The following OR10J1 variants were observed in gnomAD, a reference collection of about 807,000 sequenced individuals.
OR10J1 encodes the protein olfactory receptor family 10 subfamily J member 1.
For missense variants in OR10J1, 474 were observed against 376.6 expected, an observed-to-expected ratio of 1.26 and a Z score of -2.14; for synonymous variants, 202 against 143.8, an observed-to-expected ratio of 1.40 and a Z score of -2.89.
the OR10J1 span, among the ~76,000 whole-genome samples, chr1:159,429,582 T>C: frequency 0.026 from 4,010 of 152,276 alleles, 172 homozygotes; most frequent in African/African-American, 0.091. Flanking sequence ...GTTGTATGAT[T>C]GTTGATGAGT....
chr1:159,439,784 A>G lies in OR10J1; in HGVS notation c.-8A>G, dbSNP rs1223316830. ...ATGCTTTTATGTTTCAGATTTGGGA[A>G]CCAATCCATGAAAAGAGAGAACTTT... is the stretch of plus-strand genomic sequence containing the variant. On this transcript the variant is annotated 5_prime_UTR_variant, in exon 1 of 1. Coordinates refer to ENST00000423932, the MANE Select transcript of OR10J1 (RefSeq NM_012351.3). 1 of 1,613,878 alleles carries G rather than the reference A, an allele frequency of 6.2e-7. No individual in the cohort carries two copies.
the OR10J1 span, among the ~76,000 whole-genome samples, chr1:159,404,817 T>C: frequency 6.6e-6 from 1 of 152,172 alleles, no homozygotes; most frequent in Non-Finnish European, 1.5e-5. Flanking sequence ...TTTTCAGGTC[T>C]AAGATAGGGA....
In OR10J1 at chr1:159,439,916, A is replaced by T; in HGVS notation, c.125A>T (p.Asn42Ile). ...LALYILTLAG[N>I]IIIVTIIRMD... ...CTATACATCTTAACCTTAGCAGGCA[A>T]TATCATCATTGTGACCATCATCCGA... is the stretch of plus-strand genomic sequence containing the variant. Residue 42 changes from asparagine to isoleucine, a missense_variant, in exon 1 of 1, where the codon AAT becomes ATT. Transcript: ENST00000423932. 2 of 1,614,134 alleles carry T rather than the reference A, an allele frequency of 1.2e-6. No individual in the cohort carries two copies. The highest frequency in any genetic ancestry group is 1.7e-6 in the Non-Finnish European group (2 of 1,180,002).
chr1:159,421,948 A>T, the OR10J1 span, among the ~76,000 whole-genome samples: 1 of 152,148 alleles, frequency 6.6e-6, no homozygotes, highest in South Asian at 2.1e-4. Context: ...CAGGCGTGGC[A>T]TGGGCAATGA....
rs747205015 is a variant in OR10J1 at position 159,440,066 on chromosome 1, T to C, written c.275T>C (p.Ile92Thr). Residue 92 changes from isoleucine to threonine, a missense_variant, in exon 1 of 1, where the codon ATA becomes ACA. By Grantham distance (89) the Ile-to-Thr change is moderately conservative. Transcript: ENST00000423932. ...LSSLVGMSQP[I>T]SLAGCATQMF... ...AGCCTCGTAGGTATGAGCCAGCCCA[T>C]ATCATTGGCAGGGTGTGCCACACAG... 5.6e-6 allele frequency: 9 copies of C among 1,614,006 alleles called. No homozygotes were observed. In the East Asian group the frequency reaches 1.1e-4, roughly 20 times the overall value.
the OR10J1 span, among the ~76,000 whole-genome samples, chr1:159,417,535 T>C: frequency 5.7e-4 from 87 of 152,344 alleles, no homozygotes; most frequent in Non-Finnish European, 1.9e-4. Context: ...TTTTCTCTCT[T>C]GTCTGCTGTC....
chr1:159,413,883 A>T, the OR10J1 span, among the ~76,000 whole-genome samples: 3 of 151,926 alleles, frequency 2.0e-5, no homozygotes, highest in East Asian at 1.9e-4. Flanking sequence ...AAAATAAAAA[A>T]ATATATTGCT....
chr1:159,414,235 T>C, the OR10J1 span, among the ~76,000 whole-genome samples: 1 of 152,086 alleles, frequency 6.6e-6, no homozygotes, highest in South Asian at 2.1e-4. Flanking sequence ...CTTCTCTTCA[T>C]CACCACCCTC....
the OR10J1 span, among the ~76,000 whole-genome samples, chr1:159,409,057 C>T: frequency 6.6e-6 from 1 of 152,022 alleles, no homozygotes; most frequent in Non-Finnish European, 1.5e-5. Flanking sequence ...CATGTACTTC[C>T]TAGTATTGTG....
the OR10J1 span, chr1:159,432,535 A>G: frequency 1.2e-4 from 54 of 467,294 alleles, 1 homozygote; most frequent in Admixed American, 3.6e-4. Context: ...TTTGGTGTCA[A>G]TAAATGCTTC....
At chr1:159,422,681 G>A in the OR10J1 span, among the ~76,000 whole-genome samples, 1 of 152,184 alleles carries the variant, frequency 6.6e-6, no homozygotes, top group East Asian at 1.9e-4. Context: ...AGACTCTGGG[G>A]GTTGTGGGAC....
the OR10J1 span, among the ~76,000 whole-genome samples, chr1:159,422,882 C>T: frequency 6.6e-6 from 1 of 152,160 alleles, no homozygotes; most frequent in African/African-American, 2.4e-5. Context: ...TTCAGGCTGC[C>T]AGCAGATCCC....
chr1:159,415,653 C>A, the OR10J1 span, among the ~76,000 whole-genome samples: 2 of 151,910 alleles, frequency 1.3e-5, 1 homozygote, highest in Admixed American at 1.3e-4. Context: ...CTATAGATCA[C>A]TTTGGGCAAT....
At chr1:159,436,953 G>A (rs1655753585), upstream of OR10J1, among the ~76,000 whole-genome samples, 1 of 152,204 alleles carries the variant, frequency 6.6e-6, no homozygotes, top group Admixed American at 6.5e-5. Flanking sequence ...GAGGGTTGGT[G>A]CAGCACCTCA....
At chr1:159,436,044 A>G (rs1278291851), upstream of OR10J1, among the ~76,000 whole-genome samples, 2 of 152,200 alleles carry the variant, frequency 1.3e-5, no homozygotes, top group African/African-American at 4.8e-5. Context: ...TTTGATAAAT[A>G]TTAATTGCTA....
chr1:159,440,280 A>G lies in OR10J1; in HGVS notation c.489A>G (p.Val163=). The G allele has an allele frequency of 1.2e-6, 2 of 1,614,152 alleles. No individual in the cohort carries two copies. The highest frequency in any genetic ancestry group is 1.1e-5 in the South Asian group (1 of 91,088). The change falls in exon 1 of 1, where the codon GTA becomes GTG. Residue 163 remains valine, a synonymous_variant. Transcript: ENST00000423932. ...TAGCAATAACGCAAGTGACATCTGTATTCAGGTTACCCTTCTGTGCTAGAA... is the reference window on the plus strand; with the variant it reads ...TAGCAATAACGCAAGTGACATCTGTGTTCAGGTTACCCTTCTGTGCTAGAA... The part of the protein sequence containing the change: ...LIVAITQVTS[V]FRLPFCARKV...
chr1:159,425,144 C>A, the OR10J1 span, among the ~76,000 whole-genome samples: 28 of 152,032 alleles, frequency 1.8e-4, no homozygotes, highest in African/African-American at 6.8e-4. Flanking sequence ...TATGTGGATA[C>A]AATAAACATA....
chr1:159,408,907 T>C, the OR10J1 span, among the ~76,000 whole-genome samples: 4 of 152,050 alleles, frequency 2.6e-5, no homozygotes, highest in African/African-American at 9.7e-5. Flanking sequence ...GACTTTGTGC[T>C]TCATAGCAAC....
chr1:159,416,572 T>A, the OR10J1 span, among the ~76,000 whole-genome samples: 1 of 152,020 alleles, frequency 6.6e-6, no homozygotes, highest in Non-Finnish European at 1.5e-5. Flanking sequence ...TGTCTGGTTT[T>A]AGTATTAGGG....
Sources: gnomAD v4.1 joint callset for allele counts (sites outside exome capture counted in the v4.1 genomes callset) on GRCh38, gnomAD v4.1.1 for gene constraint, MANE v1.5 for transcripts, NCBI Gene and HGNC (gene_info 2026-07-23, HGNC 2026-07-21) for gene names.